TNS1: variants seen among roughly 807,000 people sequenced by gnomAD.
The protein encoded by TNS1 is tensin-1.
A neutral mutation model predicts 168.6 loss-of-function variants in TNS1; 62 were observed. The ratio of observed to expected loss-of-function variants is 0.37; its 90% CI spans 0.30 to 0.45. TNS1 has a LOEUF of 0.45. Among genes scored for constraint, TNS1 ranks in the 20% least tolerant of loss-of-function variants. TNS1 has a pLI of 1.00. For synonymous variants in TNS1, 934 were observed against 933.2 expected, an observed-to-expected ratio of 1.00 and a Z score of -0.02; for missense variants, 2,240 against 2,339.4, an observed-to-expected ratio of 0.96 and a Z score of 0.88.
intron 18 of TNS1, among the ~76,000 whole-genome samples, chr2:217,862,018 T>A (rs1574857261): frequency 6.6e-6 from 1 of 152,224 alleles, no homozygotes; most frequent in Admixed American, 6.5e-5. Context: ...ACTACAAGGA[T>A]GTGATGCCAT....
chr2:218,024,845 G>A (rs903975833), intron 1 of TNS1, among the ~76,000 whole-genome samples: 27 of 152,194 alleles, frequency 1.8e-4, no homozygotes, highest in African/African-American at 6.5e-4. Context: ...TTAGCACAGA[G>A]GCATCCTAAG....
intron 18 of TNS1, among the ~76,000 whole-genome samples, chr2:217,864,285 A>G (rs1949062034): frequency 6.6e-6 from 1 of 152,214 alleles, no homozygotes; most frequent in Admixed American, 6.5e-5. Flanking sequence ...CTTTGGGAGC[A>G]AGGGCGAAGG....
At chr2:217,906,527 T>C (rs1953728210) in intron 5 of TNS1, 142 bp from the exon 6 acceptor site, 1 of 640,438 alleles carries the variant, frequency 1.6e-6, no homozygotes, top group East Asian at 2.7e-5. Flanking sequence ...TCACATTTCT[T>C]TGCCCATATC....
intron 2 of TNS1, among the ~76,000 whole-genome samples, chr2:217,985,833 G>C (rs1213881036): frequency 1.3e-5 from 2 of 152,128 alleles, no homozygotes; most frequent in Non-Finnish European, 2.9e-5. Flanking sequence ...TCTAAGTCAA[G>C]GACGGGATCA....
chr2:218,000,694 AGCCTAGTCCTATCTGGT>A (rs377346806), intron 1 of TNS1, among the ~76,000 whole-genome samples: 197 of 152,348 alleles, frequency 1.3e-3, no homozygotes, highest in Middle Eastern at 0.01. Context: ...ATAGGGTTTG[AGCCTAGTCCTATCTGGT>A]GCCAGGACTG....
intron 6 of TNS1, among the ~76,000 whole-genome samples, chr2:217,904,744 G>T (rs986934330): frequency 6.6e-6 from 1 of 152,196 alleles, no homozygotes; most frequent in Non-Finnish European, 1.5e-5. Flanking sequence ...AAAGTTCTTC[G>T]TGACGTCTAA....
intron 23 of TNS1, among the ~76,000 whole-genome samples, chr2:217,820,543 C>G (rs577546632): frequency 2.6e-5 from 4 of 152,262 alleles, no homozygotes; most frequent in African/African-American, 9.6e-5. Context: ...GCAAACTGGA[C>G]CCACTGGGCC....
chr2:217,931,015 GCGAGACCA>G (rs1342060055), intron 3 of TNS1, among the ~76,000 whole-genome samples: 2 of 152,176 alleles, frequency 1.3e-5, no homozygotes, highest in Non-Finnish European at 2.9e-5. Context: ...GGCGTGGGGA[GCGAGACCA>G]CGTGTTCACT....
chr2:217,895,183 C>T lies in TNS1; in HGVS notation c.544-127G>A. 4.4e-6 allele frequency: 4 copies of T among 912,918 alleles called. No homozygotes were observed. The South Asian group carries it at 5.8e-5, about 13-fold the overall frequency. 56.6% of individuals were successfully genotyped at this position (912,918 alleles called of 1,614,324 possible). A position where few individuals can be genotyped will look rare whatever the true frequency, so the allele number is the denominator to read the frequency against. On this transcript the variant is annotated intron_variant, in intron 8 of 32. Transcript: ENST00000682258. ...TCATTGCCAACTTCCTCTGAAGAGCCCACGACAGCATCCAGCAGAGCGTCA... is the reference window on the plus strand; with the variant it reads ...TCATTGCCAACTTCCTCTGAAGAGCTCACGACAGCATCCAGCAGAGCGTCA...
upstream of TNS1, among the ~76,000 whole-genome samples, chr2:218,007,476 C>G (rs756404372): frequency 2.0e-5 from 3 of 147,854 alleles, no homozygotes; most frequent in Non-Finnish European, 4.4e-5. Flanking sequence ...AATACGGCCA[C>G]CCCAGGACTA....
At chr2:217,928,100 T>C (rs1956131068) in intron 3 of TNS1, among the ~76,000 whole-genome samples, 1 of 152,194 alleles carries the variant, frequency 6.6e-6, no homozygotes, top group Non-Finnish European at 1.5e-5. Context: ...GTTGTTAGCC[T>C]GCCAACCAGG....
upstream of TNS1, among the ~76,000 whole-genome samples, chr2:218,007,138 T>C (rs1958665327): frequency 6.6e-6 from 1 of 152,110 alleles, no homozygotes; most frequent in Non-Finnish European, 1.5e-5. Flanking sequence ...GCAATGGGGT[T>C]CTTCACCAGT....
intron 18 of TNS1, chr2:217,879,261 G>A (rs1234541586): frequency 9.2e-6 from 3 of 325,728 alleles, no homozygotes; most frequent in African/African-American, 2.3e-5. Flanking sequence ...CATTGACCAT[G>A]CACCAAGAAG....
At chr2:217,989,452 G>A (rs971877627) in intron 2 of TNS1, among the ~76,000 whole-genome samples, 1 of 152,142 alleles carries the variant, frequency 6.6e-6, no homozygotes, top group Non-Finnish European at 1.5e-5. Context: ...AGCTGTCCTT[G>A]GGAGGCCCTG....
intron 16 of TNS1, among the ~76,000 whole-genome samples, chr2:217,883,968 G>C (rs968247729): frequency 6.6e-6 from 1 of 152,202 alleles, no homozygotes; most frequent in Non-Finnish European, 1.5e-5. Context: ...ATGCTTGTGC[G>C]TGTCTCCATC....
intron 19 of TNS1, 63 bp downstream of exon 19, chr2:217,847,447 A>G (rs1946808251): frequency 7.4e-7 from 1 of 1,357,912 alleles, no homozygotes; most frequent in Non-Finnish European, 9.6e-7. Context: ...CTGGACCTGC[A>G]CCTCCCCCCA....
chr2:217,995,997 A>C lies in TNS1; in HGVS notation c.34-4941T>G, dbSNP rs914659004. 1.3e-5 allele frequency among the ~76,000 whole-genome samples: 2 copies of C among 152,092 alleles called. No individual in the cohort carries two copies. Among genetic ancestry groups the C allele is most frequent in the African/African-American group, 4.8e-5 (2 of 41,410 alleles). Reference sequence around the variant, plus strand: ...GGCCGCTCAGCCAGAGGGGTGTGGCACATCTGGCTTGGACAGCCTTGGCGA... The same window carrying C: ...GGCCGCTCAGCCAGAGGGGTGTGGCCCATCTGGCTTGGACAGCCTTGGCGA... On this transcript the variant is annotated intron_variant, in intron 1 of 32. Coordinates refer to ENST00000682258, the MANE Select transcript of TNS1 (RefSeq NM_001387777.1). The surrounding 1 kb of genome is among the most constrained non-coding windows in gnomAD (Gnocchi z 4.1).
At chr2:217,807,382 C>A (rs1332936162) in intron 32 of TNS1, among the ~76,000 whole-genome samples, 1 of 152,194 alleles carries the variant, frequency 6.6e-6, no homozygotes, top group East Asian at 1.9e-4. Flanking sequence ...TAGACAACTG[C>A]AAGGAGCAGC....
In TNS1 at chr2:217,804,290, T is replaced by TCTA; in HGVS notation, c.*168_*169insTAG. ...TCTCTCTCTCTCTCTCTCTCTCTCT[T>TCTA]TTCCCCCTCCCCTCTGCAATTCACT... is the stretch of plus-strand genomic sequence containing the variant. On this transcript the variant is annotated 3_prime_UTR_variant, in exon 33 of 33. Coordinates refer to ENST00000682258, the MANE Select transcript of TNS1 (RefSeq NM_001387777.1). The TCTA allele has an allele frequency of 9.9e-6, 5 of 504,816 alleles. No homozygotes were observed. The highest frequency in any genetic ancestry group is 1.7e-5 in the Non-Finnish European group (5 of 289,772). The allele number at this position is 504,816 out of a possible 1,614,324, so 31.3% of individuals were successfully genotyped here. A position where few individuals can be genotyped will look rare whatever the true frequency, so the allele number is the denominator to read the frequency against.
Sources: gnomAD v4.1 joint callset for allele counts (sites outside exome capture counted in the v4.1 genomes callset) on GRCh38, gnomAD v4.1.1 for gene constraint, Gnocchi (gnomAD v3.1) non-coding constraint, MANE v1.5 for transcripts, NCBI Gene and HGNC (gene_info 2026-07-23, HGNC 2026-07-21) for gene names.